GUCY2F: variants seen among roughly 807,000 people sequenced by gnomAD.
GUCY2F encodes guanylate cyclase 2F, retinal.
A neutral mutation model predicts 73.1 loss-of-function variants in GUCY2F; 61 were observed. The observed-to-expected ratio is 0.83, with a 90% confidence interval of 0.68 to 1.03. The LOEUF (loss-of-function observed/expected upper bound fraction) is 1.03, where lower values mean the gene tolerates loss of function less well. Ranked by LOEUF, GUCY2F falls within the 50% of genes least tolerant of loss-of-function variation. The probability of loss-of-function intolerance (pLI) is 0.00; values close to 1 mark genes in which losing one functional copy is unlikely to be tolerated. For missense variants in GUCY2F, 912 were observed against 854.3 expected (o/e 1.07, Z -0.84); for synonymous variants, 331 against 307.8 (o/e 1.08, Z -0.79).
intron 13 of GUCY2F, among the ~76,000 whole-genome samples, chrX:109,392,461 T>C (rs975190519): frequency 8.9e-6 from 1 of 111,738 alleles, no homozygotes; most frequent in Non-Finnish European, 1.9e-5. Context: ...TAGAAGATCA[T>C]GTTACAACAT....
At chrX:109,416,641 A>T (rs1313170246) in intron 8 of GUCY2F, among the ~76,000 whole-genome samples, 1 of 111,093 alleles carries the variant, frequency 9.0e-6, no homozygotes, top group Non-Finnish European at 1.9e-5. Flanking sequence ...TTAGTAAAAG[A>T]CATCAACTTA....
At chrX:109,421,415 A>G (rs1478013600) in intron 8 of GUCY2F, among the ~76,000 whole-genome samples, 3 of 111,645 alleles carry the variant, frequency 2.7e-5, no homozygotes, top group Non-Finnish European at 5.7e-5. Flanking sequence ...TTAAAAAGGA[A>G]GGAAATCCTG....
At chrX:109,416,189 C>T (rs146512781) in intron 8 of GUCY2F, among the ~76,000 whole-genome samples, 1,360 of 108,418 alleles carry the variant, frequency 0.013, 19 homozygotes, top group East Asian at 0.055. Flanking sequence ...AAAATGTGAC[C>T]CATACTCCAG....
At position 109,475,753 on chromosome X, in the gene GUCY2F, C is replaced by T. The variant is rs1932679158; in HGVS notation, c.184G>A (p.Ala62Thr). The T allele has an allele frequency of 1.5e-5, 18 of 1,208,887 alleles. No individual in the cohort carries two copies. The highest frequency in any genetic ancestry group is 1.9e-5 in the Non-Finnish European group (17 of 894,396). ...GCCTTTGAAAACAGCGAATCACAAG[C>T]CCAAGGGCCCACCACCCCTATCTTG... ...PYKIGVVGPW[A>T]CDSLFSKALP... Residue 62 changes from alanine (A) to threonine (T), a missense_variant, in exon 2 of 20, where the codon GCT (alanine) becomes ACT (threonine). Ala to Thr is a moderately conservative substitution (Grantham distance 58, BLOSUM62 0). Coordinates refer to ENST00000218006, the MANE Select transcript of GUCY2F (RefSeq NM_001522.3).
At chrX:109,457,253 G>T (rs1378982218) in intron 3 of GUCY2F, among the ~76,000 whole-genome samples, 3 of 112,030 alleles carry the variant, frequency 2.7e-5, no homozygotes, top group African/African-American at 6.5e-5. Context: ...ATATGAATTT[G>T]TTCAGCATAA....
intron 8 of GUCY2F, among the ~76,000 whole-genome samples, chrX:109,410,703 T>C (rs1238302916): frequency 8.9e-6 from 1 of 112,207 alleles, no homozygotes; most frequent in Non-Finnish European, 1.9e-5. Context: ...AATGGGGGCA[T>C]GGGATGCTGT....
Position 109,475,369 on chromosome X carries a change from C to G in GUCY2F, c.568G>C (p.Val190Leu). The part of the protein sequence containing the change: ...MKYFQWAHAG[V>L]ISSDEDIWVH... Reference sequence around the variant, plus strand: ...CAAATGTCTTCATCTGAGGAAATGACTCCAGCATGAGCCCACTGGAAATAT... The same window carrying G: ...CAAATGTCTTCATCTGAGGAAATGAGTCCAGCATGAGCCCACTGGAAATAT... Residue 190 changes from valine to leucine, a missense_variant, in exon 2 of 20, where the codon GTC becomes CTC. Transcript: ENST00000218006. 1 of 1,210,680 alleles carries G rather than the reference C, an allele frequency of 8.3e-7. No homozygotes were observed. The highest frequency in any genetic ancestry group is 1.1e-6 in the Non-Finnish European group (1 of 894,409).
chrX:109,399,099 T>C (rs1278301493), intron 10 of GUCY2F, among the ~76,000 whole-genome samples: 2 of 112,448 alleles, frequency 1.8e-5, no homozygotes, highest in African/African-American at 6.5e-5. Context: ...GGTAATTTGA[T>C]TGTGCTGGGG....
intron 14 of GUCY2F, among the ~76,000 whole-genome samples, chrX:109,389,808 G>A (rs1930519186): frequency 9.0e-6 from 1 of 111,316 alleles, no homozygotes; most frequent in Non-Finnish European, 1.9e-5. Flanking sequence ...CTTGAAACCA[G>A]CCCTGGAACT....
intron 3 of GUCY2F, among the ~76,000 whole-genome samples, chrX:109,457,532 G>A (rs1932284741): frequency 8.9e-6 from 1 of 111,988 alleles, no homozygotes; most frequent in Non-Finnish European, 1.9e-5. Context: ...CTTGGGCATA[G>A]TCAAGAGATG....
chrX:109,473,805 T>C (rs1318364479), intron 2 of GUCY2F, among the ~76,000 whole-genome samples: 1 of 112,179 alleles, frequency 8.9e-6, no homozygotes, highest in Non-Finnish European at 1.9e-5. Flanking sequence ...ATTCATGGAA[T>C]ATAAACTTGC....
rs189508182 is a variant in GUCY2F at position 109,384,898 on chromosome X, T to C, written c.3055+286A>G. ...ATTTTTTTCTTTACCCAAAATACTATTTTAGCTGTTTTTATCAAATTGAGT... is the reference window on the plus strand; with the variant it reads ...ATTTTTTTCTTTACCCAAAATACTACTTTAGCTGTTTTTATCAAATTGAGT... On this transcript the variant is annotated intron_variant, in intron 16 of 19. Coordinates refer to ENST00000218006, the MANE Select transcript of GUCY2F (RefSeq NM_001522.3). Among the ~76,000 whole-genome samples, 6 of 111,440 alleles carry C rather than the reference T, an allele frequency of 5.4e-5. No homozygotes were observed. In the East Asian group the frequency reaches 1.7e-3, roughly 32 times the overall value.
chrX:109,412,949 G>A (rs1348131102), intron 8 of GUCY2F, among the ~76,000 whole-genome samples: 1 of 112,307 alleles, frequency 8.9e-6, no homozygotes, highest in African/African-American at 3.2e-5. Context: ...CCTGAGTCAT[G>A]ATATTGGAAG....
chrX:109,411,871 G>A (rs886316608), intron 8 of GUCY2F, among the ~76,000 whole-genome samples: 30 of 111,975 alleles, frequency 2.7e-4, no homozygotes, highest in African/African-American at 9.4e-4. Flanking sequence ...CATTTGAAGA[G>A]CGGGAAAAGG....
chrX:109,430,909 G>C (rs931397918), intron 7 of GUCY2F, among the ~76,000 whole-genome samples: 2 of 110,812 alleles, frequency 1.8e-5, no homozygotes, highest in African/African-American at 6.6e-5. Flanking sequence ...ATGGAGGGGG[G>C]GCTGTCTTAT....
At chrX:109,441,730 A>T (rs1931873482) in intron 6 of GUCY2F, among the ~76,000 whole-genome samples, 1 of 110,242 alleles carries the variant, frequency 9.1e-6, no homozygotes, top group Non-Finnish European at 1.9e-5. Context: ...GGATTAAAAT[A>T]CAGATGGGGG....
intron 3 of GUCY2F, among the ~76,000 whole-genome samples, chrX:109,461,923 C>T (rs770085950): frequency 1.8e-5 from 2 of 112,422 alleles, no homozygotes; most frequent in Non-Finnish European, 3.8e-5. Context: ...ACAACAGAAG[C>T]CCAGGGATAG....
At chrX:109,436,990 A>G (rs1931765402) in intron 7 of GUCY2F, among the ~76,000 whole-genome samples, 1 of 106,701 alleles carries the variant, frequency 9.4e-6, no homozygotes, top group Non-Finnish European at 1.9e-5. Flanking sequence ...TAATGAAATA[A>G]CAGCAAAAAA....
rs181959021 is a variant in GUCY2F, at chrX:109,427,036, G to A, written c.1791+3271C>T. Among the ~76,000 whole-genome samples, 362 of 111,984 alleles carry A rather than the reference G, an allele frequency of 3.2e-3. 5 individuals are homozygous for A. Among genetic ancestry groups the A allele is most frequent in the African/African-American group, 0.011 (337 of 30,836 alleles). ...AAGCTTGTGAATGTGTTTAACAAAG[G>A]CAAAAGAATCATTGTTTGGGAAGCG... On this transcript the variant is annotated intron_variant, in intron 8 of 19. Transcript: ENST00000218006.
Sources: allele counts gnomAD v4.1 joint callset (sites outside exome capture counted in the v4.1 genomes callset), GRCh38; gene constraint gnomAD v4.1.1; transcripts MANE v1.5; gene names NCBI Gene and HGNC (gene_info 2026-07-23, HGNC 2026-07-21).